PLPP3: variants seen among roughly 807,000 people sequenced by gnomAD.
The protein encoded by PLPP3 is PAP2 beta.
PLPP3 carries 6 observed loss-of-function variants against 29.6 expected under a neutral mutation model. The observed-to-expected ratio is 0.20, with a 90% CI of 0.11 to 0.40. The LOEUF is 0.40. Among genes scored for constraint, PLPP3 ranks in the 10% least tolerant of loss-of-function variants. PLPP3 has a pLI of 1.00. For missense variants in PLPP3, 308 were observed against 407.7 expected (o/e 0.76, Z 2.11); for synonymous variants, 152 against 159.7 (o/e 0.95, Z 0.36).
At chr1:56,546,892 A>C (rs1646009745) in intron 1 of PLPP3, among the ~76,000 whole-genome samples, 1 of 152,274 alleles carries the variant, frequency 6.6e-6, no homozygotes, top group South Asian at 2.1e-4. Context: ...AATATCAGAG[A>C]GTTTTATTTT....
chr1:56,576,905 G>T (rs1646240448), intron 1 of PLPP3, among the ~76,000 whole-genome samples: 1 of 152,130 alleles, frequency 6.6e-6, no homozygotes, highest in African/African-American at 2.4e-5. Context: ...GCTGATGGTT[G>T]TGTCTTTTTG....
rs1225793682 is a variant in PLPP3 at position 56,495,309 on chromosome 1, A to G, written c.*1242T>C. ...TTCCTCCTTTCCTCAAAGGTTCAGT[A>G]GAAGGGGTCCCTGTCTATCACCTAG... On this transcript the variant is annotated 3_prime_UTR_variant, in exon 6 of 6. Transcript: ENST00000371250. 6.6e-6 allele frequency: 1 copy of G among 152,590 alleles called. No homozygotes were observed. The highest frequency in any genetic ancestry group is 1.5e-5 in the Non-Finnish European group (1 of 68,052). The allele number at this position is 152,590 out of a possible 1,614,324, so 9.5% of individuals were successfully genotyped here. A position where few individuals can be genotyped will look rare whatever the true frequency, so the allele number is the denominator to read the frequency against.
intron 5 of PLPP3, among the ~76,000 whole-genome samples, chr1:56,509,114 TG>T (rs917978348): frequency 2.0e-5 from 3 of 152,200 alleles, no homozygotes; most frequent in African/African-American, 7.2e-5. Flanking sequence ...AGCACAAGGC[TG>T]GGTGTCAGGC....
rs1645834949 is a variant in PLPP3 at position 56,523,832 on chromosome 1, C to T, written c.624G>A (p.Leu208=). 2 of 1,613,668 alleles carry T rather than the reference C, an allele frequency of 1.2e-6. No individual in the cohort carries two copies. Among genetic ancestry groups the T allele is most frequent in the Non-Finnish European group, 1.7e-6 (2 of 1,179,668 alleles). The part of the protein sequence containing the change: ...GHASFSMYTM[L]YLVLYLQARF... ...AAGGGTGGGTACTTACCACCAAATACAGCATAGTGTACATGGAGAAGGAGG... is the reference window on the plus strand; with the variant it reads ...AAGGGTGGGTACTTACCACCAAATATAGCATAGTGTACATGGAGAAGGAGG... The change falls in exon 4 of 6, where the codon CTG becomes CTA. Residue 208 remains leucine, a synonymous_variant. Transcript: ENST00000371250.
rs914138911 is a variant in PLPP3 at position 56,496,595 on chromosome 1, G to A, written c.892C>T (p.Pro298Ser). Residue 298 changes from proline (P) to serine (S), a missense_variant, in exon 6 of 6, where the codon CCT (proline) becomes TCT (serine). This residue lies in a region of PLPP3 where 232 missense variants were observed against 317.2 expected (regional missense o/e 0.73). Transcript: ENST00000371250. ...TTGTTCCTGTCAATAATGTCCACAGGTGAAAGGATTTCCTTCCGGATAGCA... is the reference window on the plus strand; with the variant it reads ...TTGTTCCTGTCAATAATGTCCACAGATGAAAGGATTTCCTTCCGGATAGCA... ...APAIRKEILS[P>S]VDIIDRNNHH... 16 of 1,613,948 alleles carry A rather than the reference G, an allele frequency of 9.9e-6. No individual in the cohort carries two copies. Among genetic ancestry groups the A allele is most frequent in the Middle Eastern group, 1.6e-4 (1 of 6,084 alleles).
intron 2 of PLPP3, among the ~76,000 whole-genome samples, chr1:56,528,012 C>CT (rs1645862960): frequency 6.6e-6 from 1 of 152,148 alleles, no homozygotes; most frequent in Non-Finnish European, 1.5e-5. Flanking sequence ...ACTCCTGCCC[C>CT]TAGAGCCCTC....
At chr1:56,500,168 G>T (rs1474075870) in intron 5 of PLPP3, among the ~76,000 whole-genome samples, 1 of 152,070 alleles carries the variant, frequency 6.6e-6, no homozygotes, top group Non-Finnish European at 1.5e-5. Context: ...ATACTTATTG[G>T]ATTCCTGCTA....
At position 56,572,043 on chromosome 1, in the gene PLPP3, G is replaced by GTTTTTTTT. The variant is rs375576842; in HGVS notation, c.139+6827_139+6834dup. Among the ~76,000 whole-genome samples the GTTTTTTTT allele has an allele frequency of 2.1e-4, 18 of 85,058 alleles. 1 individual carries two copies. Among genetic ancestry groups the GTTTTTTTT allele is most frequent in the Admixed American group, 3.7e-4 (2 of 5,456 alleles). 55.8% of individuals were successfully genotyped at this position (85,058 alleles called of 152,430 possible). On this transcript the variant is annotated intron_variant, in intron 1 of 5. Coordinates refer to ENST00000371250, the MANE Select transcript of PLPP3 (RefSeq NM_003713.5). The stretch of plus-strand genomic sequence containing the variant: ...TTTCGATCATTTCCAATCATTTCTG[G>GTTTTTTTT]TTTTTTTTTTTTTTTTTTTTTTTTG...
At chr1:56,539,019 G>A (rs1015851877) in intron 1 of PLPP3, 3 of 145,056 alleles carry the variant, frequency 2.1e-5, no homozygotes, top group African/African-American at 7.8e-5. Flanking sequence ...ACAATGTGTT[G>A]GGTTCTTTAT....
chr1:56,556,608 T>C (rs938746655), intron 1 of PLPP3, among the ~76,000 whole-genome samples: 1 of 151,936 alleles, frequency 6.6e-6, no homozygotes, highest in Non-Finnish European at 1.5e-5. Context: ...AAAGCAACAT[T>C]GTTATGCTAG....
At chr1:56,540,859 C>G (rs17470134) in intron 1 of PLPP3, among the ~76,000 whole-genome samples, 10,702 of 152,198 alleles carry the variant, frequency 0.07, 454 homozygotes, top group Admixed American at 0.14. Flanking sequence ...GTGCCTTGCC[C>G]TTCCAGGACA....
intron 1 of PLPP3, among the ~76,000 whole-genome samples, chr1:56,565,569 C>G (rs189088027): frequency 1.3e-5 from 2 of 151,998 alleles, no homozygotes; most frequent in African/African-American, 4.8e-5. Context: ...TACAGGCACC[C>G]GCAACCGCAC....
chr1:56,542,079 G>C (rs570760835), intron 1 of PLPP3, among the ~76,000 whole-genome samples: 60 of 152,006 alleles, frequency 3.9e-4, no homozygotes, highest in Admixed American at 7.9e-4. Context: ...GGGATTTCTT[G>C]GGATGTGTAG....
At chr1:56,559,075 A>G (rs1007695360) in intron 1 of PLPP3, among the ~76,000 whole-genome samples, 11 of 152,234 alleles carry the variant, frequency 7.2e-5, no homozygotes, top group African/African-American at 1.9e-4. Flanking sequence ...CAGAGCTGGA[A>G]TGGCTTGAGA....
At position 56,579,395 on chromosome 1, in the gene PLPP3, C is replaced by T. The variant is rs1239230824; in HGVS notation, c.-379G>A. Reference sequence around the variant, plus strand: ...GGCGCTCGGCCACCTTCCTCCGCAGCTGGTTCCTTAATGAATGGGAGCTGC... The same window carrying T: ...GGCGCTCGGCCACCTTCCTCCGCAGTTGGTTCCTTAATGAATGGGAGCTGC... On this transcript the variant is annotated 5_prime_UTR_variant, in exon 1 of 6. Coordinates refer to ENST00000371250, the MANE Select transcript of PLPP3 (RefSeq NM_003713.5). The T allele has an allele frequency of 4.0e-6, 1 of 252,694 alleles. No homozygotes were observed. The highest frequency in any genetic ancestry group is 7.6e-6 in the Non-Finnish European group (1 of 131,208). 15.7% of individuals were successfully genotyped at this position (252,694 alleles called of 1,614,324 possible). A position where few individuals can be genotyped will look rare whatever the true frequency, so the allele number is the denominator to read the frequency against.
intron 4 of PLPP3, 60 bp downstream of exon 4, chr1:56,523,763 A>G (rs1464477523): frequency 4.6e-6 from 7 of 1,532,908 alleles, no homozygotes; most frequent in African/African-American, 2.7e-5. Context: ...GAGGGCTATC[A>G]TATCAGAAGG....
At chr1:56,548,295 T>C (rs1646018120) in intron 1 of PLPP3, among the ~76,000 whole-genome samples, 1 of 152,240 alleles carries the variant, frequency 6.6e-6, no homozygotes, top group Non-Finnish European at 1.5e-5. Flanking sequence ...GATGTAATTT[T>C]GTAACTCAAT....
At chr1:56,555,372 G>A (rs1189163603) in intron 1 of PLPP3, among the ~76,000 whole-genome samples, 2 of 137,530 alleles carry the variant, frequency 1.5e-5, no homozygotes, top group Admixed American at 7.9e-5. Context: ...CCTAGTGCCT[G>A]TTGGGGTGTG....
chr1:56,519,292 T>A (rs1226908710), intron 4 of PLPP3, among the ~76,000 whole-genome samples: 1 of 152,182 alleles, frequency 6.6e-6, no homozygotes, highest in East Asian at 1.9e-4. Flanking sequence ...TAACTACCTC[T>A]ACTGCCACTC....
Sources: gnomAD v4.1 joint callset for allele counts (sites outside exome capture counted in the v4.1 genomes callset) on GRCh38, gnomAD v4.1.1 for gene constraint, gnomAD v4.1.1 regional missense constraint, MANE v1.5 for transcripts, NCBI Gene and HGNC (gene_info 2026-07-23, HGNC 2026-07-21) for gene names.